The following SLC24A1 variants were observed in gnomAD, a reference collection of about 807,000 sequenced individuals.
The protein encoded by SLC24A1 is sodium/potassium/calcium exchanger 1.
Under a neutral mutation model 88.1 loss-of-function variants are expected in SLC24A1, and 52 were observed. That is an observed-to-expected ratio of 0.59 (90% CI 0.47 to 0.74). SLC24A1 has a LOEUF of 0.74. SLC24A1 is among the 30% of genes least tolerant of loss of function. The pLI is 0.00. For synonymous variants in SLC24A1, 455 were observed against 498.0 expected (o/e 0.91, Z 1.15); for missense variants, 1,173 against 1,363.3 (o/e 0.86, Z 2.20).
At chr15:65,636,005 G>T (rs1019540478) in intron 2 of SLC24A1, among the ~76,000 whole-genome samples, 1 of 152,214 alleles carries the variant, frequency 6.6e-6, no homozygotes, top group African/African-American at 2.4e-5. Flanking sequence ...AGTGGCCCTA[G>T]ATCAAGCACT....
At position 65,625,021 on chromosome 15, in the gene SLC24A1, A is replaced by G. The variant is rs373709597; in HGVS notation, c.941A>G (p.His314Arg). Residue 314 changes from histidine (H) to arginine (R), a missense_variant, in exon 2 of 10, where the codon CAT becomes CGT. His to Arg is a conservative substitution (Grantham distance 29, BLOSUM62 0). Coordinates refer to ENST00000261892, the MANE Select transcript of SLC24A1 (RefSeq NM_004727.3). ...PKTPQGTVLL[H>R]TPATSEGQVT... ...ACTCCCCAGGGAACAGTCCTGTTGC[A>G]TACCCCAGCCACCTCTGAGGGGCAG... 7.4e-6 allele frequency: 12 copies of G among 1,613,158 alleles called. No homozygotes were observed. Among genetic ancestry groups the G allele is most frequent in the East Asian group, 2.2e-5 (1 of 44,892 alleles).
In SLC24A1 at chr15:65,624,424, C is replaced by T; in HGVS notation, c.344C>T (p.Pro115Leu). 4 of 1,612,956 alleles carry T rather than the reference C, an allele frequency of 2.5e-6. No individual in the cohort carries two copies. The South Asian group carries it at 4.4e-5, about 18-fold the overall frequency. The stretch of plus-strand genomic sequence containing the variant: ...ACAGTGGAGAATATCCCCAGTATGC[C>T]TAAAAGAACAGCCAAGATGATCCCA... ...SMTVENIPSMPKRTAKMIPTT... is the reference protein window; with the variant it reads ...SMTVENIPSMLKRTAKMIPTT... Residue 115 changes from proline to leucine, a missense_variant, in exon 2 of 10, where the codon CCT (proline) becomes CTT (leucine). Pro to Leu is a moderately conservative substitution (Grantham distance 98). Transcript: ENST00000261892.
intron 4 of SLC24A1, 43 bp from the exon 5 acceptor site, chr15:65,644,384 T>G (rs2075233612): frequency 1.5e-6 from 2 of 1,350,984 alleles, no homozygotes; most frequent in Non-Finnish European, 2.1e-6. Flanking sequence ...GCAGGGATGA[T>G]CCTACAATTC....
Position 65,655,649 on chromosome 15 carries a change from A to T in SLC24A1, c.*1570A>T, listed in dbSNP as rs1234311118. The stretch of plus-strand genomic sequence containing the variant: ...GATGGTAAATATGGCTTTAATTACA[A>T]ACATGAGGAATGATTCACTGAAGAT... On this transcript the variant is annotated 3_prime_UTR_variant, in exon 10 of 10. Transcript: ENST00000261892. 3 of 985,328 alleles carry T rather than the reference A, an allele frequency of 3.0e-6. No homozygotes were observed. Among genetic ancestry groups the T allele is most frequent in the Non-Finnish European group, 2.4e-6 (2 of 829,936 alleles). 61.0% of individuals were successfully genotyped at this position (985,328 alleles called of 1,614,324 possible). A position where few individuals can be genotyped will look rare whatever the true frequency, so the allele number is the denominator to read the frequency against.
At chr15:65,620,443 T>C (rs2141422749), upstream of SLC24A1, among the ~76,000 whole-genome samples, 1 of 152,316 alleles carries the variant, frequency 6.6e-6, no homozygotes, top group East Asian at 1.9e-4. Context: ...GTAATGTCAT[T>C]ATCATCCTCA....
In SLC24A1 at chr15:65,655,992, A is replaced by C. The variant is rs1350964801; in HGVS notation, c.*1913A>C. On this transcript the variant is annotated 3_prime_UTR_variant, in exon 10 of 10. Transcript: ENST00000261892. The stretch of plus-strand genomic sequence containing the variant: ...CTTAATTATCCTTATTCCTGATGCT[A>C]CTGCATTGCTGGGTTTCCATAGCCA... 12 of 985,202 alleles carry C rather than the reference A, an allele frequency of 1.2e-5. No individual in the cohort carries two copies. Among genetic ancestry groups the C allele is most frequent in the Non-Finnish European group, 1.3e-5 (11 of 829,880 alleles). The allele number at this position is 985,202 out of a possible 1,614,324, so 61.0% of individuals were successfully genotyped here.
At position 65,655,061 on chromosome 15, in the gene SLC24A1, A is replaced by G. The variant is rs1002442540; in HGVS notation, c.*982A>G. 8 of 1,028,606 alleles carry G rather than the reference A, an allele frequency of 7.8e-6. No homozygotes were observed. The highest frequency in any genetic ancestry group is 9.3e-6 in the Non-Finnish European group (8 of 855,638). The allele number at this position is 1,028,606 out of a possible 1,614,324, so 63.7% of individuals were successfully genotyped here. A position where few individuals can be genotyped will look rare whatever the true frequency, so the allele number is the denominator to read the frequency against. ...AGGAAAACTACTCTAGAGGCCATTT[A>G]AAAGTATGTATTTATTAGAACATGC... On this transcript the variant is annotated 3_prime_UTR_variant, in exon 10 of 10. Coordinates refer to ENST00000261892, the MANE Select transcript of SLC24A1 (RefSeq NM_004727.3).
chr15:65,651,484 A>T (rs1000438443), intron 7 of SLC24A1, among the ~76,000 whole-genome samples, 186 bp from the exon 8 acceptor site: 6 of 151,950 alleles, frequency 3.9e-5, no homozygotes, highest in African/African-American at 1.2e-4. Context: ...TGTACCCCCA[A>T]CCTCCATCCT....
chr15:65,626,017 G>T (rs764158828), intron 2 of SLC24A1, 47 bp downstream of exon 2: 1 of 1,421,462 alleles, frequency 7.0e-7, no homozygotes, highest in Non-Finnish European at 9.9e-7. Flanking sequence ...TGAGATGAAA[G>T]GATGTGGCGA....
chr15:65,655,850 C>A lies in SLC24A1; in HGVS notation c.*1771C>A, dbSNP rs2075665465. ...TATTAAATTTCAATAAACTGTGAAT[C>A]CCAATGGTATTTTACTTTACAACAT... On this transcript the variant is annotated 3_prime_UTR_variant, in exon 10 of 10. Coordinates refer to ENST00000261892, the MANE Select transcript of SLC24A1 (RefSeq NM_004727.3). The A allele has an allele frequency of 1.0e-6, 1 of 984,688 alleles. No individual in the cohort carries two copies. Among genetic ancestry groups the A allele is most frequent in the African/African-American group, 1.7e-5 (1 of 57,166 alleles). The allele number at this position is 984,688 out of a possible 1,614,324, so 61.0% of individuals were successfully genotyped here.
At position 65,625,647 on chromosome 15, in the gene SLC24A1, G is replaced by T; in HGVS notation, c.1567G>T (p.Val523Leu). The change falls in exon 2 of 10, where the codon GTG (valine) becomes TTG (leucine). Residue 523 changes from valine to leucine, a missense_variant. Val to Leu is a conservative substitution (Grantham distance 32, BLOSUM62 1). Coordinates refer to ENST00000261892, the MANE Select transcript of SLC24A1 (RefSeq NM_004727.3). ...LIGVFISHSNVGIGTIVGSAV... is the reference protein window; with the variant it reads ...LIGVFISHSNLGIGTIVGSAV... The stretch of plus-strand genomic sequence containing the variant: ...CGGTGTCTTCATTTCCCACAGCAAC[G>T]TGGGCATTGGTACCATTGTGGGCTC... 6.2e-7 allele frequency: 1 copy of T among 1,614,012 alleles called. No homozygotes were observed. Among genetic ancestry groups the T allele is most frequent in the Admixed American group, 1.7e-5 (1 of 60,036 alleles).
In SLC24A1 at chr15:65,650,781, CAGGAGGAAG is replaced by C. The variant is rs776932040; in HGVS notation, c.2640_2648del (p.Glu888_Glu890del). On this transcript the variant is annotated inframe_deletion, in exon 7 of 10. Transcript: ENST00000261892. The surrounding 1 kb of genome is among the most constrained non-coding windows in gnomAD (Gnocchi z 4.1). ...GGAGGAAGAGGAGGAGGAGGAAGAG[CAGGAGGAAG>C]AGGAGGAGGAGGAGGAGGAAGAGGA... The C allele has an allele frequency of 1.9e-6, 3 of 1,608,322 alleles. No homozygotes were observed. Among genetic ancestry groups the C allele is most frequent in the Admixed American group, 1.7e-5 (1 of 59,440 alleles).
In SLC24A1 at chr15:65,655,406, T is replaced by C. The variant is rs2075647044; in HGVS notation, c.*1327T>C. 1.0e-6 allele frequency: 1 copy of C among 985,260 alleles called. No homozygotes were observed. The highest frequency in any genetic ancestry group is 1.7e-5 in the African/African-American group (1 of 57,204). 61.0% of individuals were successfully genotyped at this position (985,260 alleles called of 1,614,324 possible). On this transcript the variant is annotated 3_prime_UTR_variant, in exon 10 of 10. Transcript: ENST00000261892. ...AATGCATAACACAATGACAACATGG[T>C]GAGAAAAGTGCAGTACTACTTCCAA...
At chr15:65,633,311 T>C (rs756708647) in intron 2 of SLC24A1, among the ~76,000 whole-genome samples, 3 of 152,234 alleles carry the variant, frequency 2.0e-5, no homozygotes, top group Non-Finnish European at 4.4e-5. Context: ...ATTTGTAATA[T>C]TAATTACATG....
chr15:65,660,022 G>A (rs2075806085), downstream of SLC24A1: 1 of 383,040 alleles, frequency 2.6e-6, no homozygotes, highest in Non-Finnish European at 4.7e-6. Flanking sequence ...TTCTCTTGGA[G>A]GGATGTTTAT....
In SLC24A1 at chr15:65,625,215, A is replaced by G. The variant is rs374623693; in HGVS notation, c.1135A>G (p.Thr379Ala). 4 of 1,613,896 alleles carry G rather than the reference A, an allele frequency of 2.5e-6. No individual in the cohort carries two copies. The South Asian group carries it at 3.3e-5, about 13-fold the overall frequency. ...ACCTTCCACAGCACCCAGCACCTCA[A>G]CAACCCCTACGGTCAGGGCAAAGCT... ...KKPSTAPSTS[T>A]TPTVRAKLTM... The change falls in exon 2 of 10, where the codon ACA becomes GCA. Residue 379 changes from threonine (T) to alanine (A), a missense_variant. Physicochemically the swap from Thr to Ala is moderately conservative, Grantham distance 58 (BLOSUM62 0). Transcript: ENST00000261892.
At chr15:65,637,083 C>A (rs905218820) in intron 2 of SLC24A1, among the ~76,000 whole-genome samples, 1 of 151,764 alleles carries the variant, frequency 6.6e-6, no homozygotes, top group South Asian at 2.1e-4. Context: ...ACAATTCATG[C>A]AGTGAAAAGT....
At chr15:65,652,418 AAAG>A in intron 8 of SLC24A1, 2 of 476,990 alleles carry the variant, frequency 4.2e-6, no homozygotes, top group Middle Eastern at 5.5e-4. Context: ...CCAATTGTGA[AAAG>A]AAGAGCAACA....
At chr15:65,659,846 C>T (rs1316024958), downstream of SLC24A1, 1 of 154,184 alleles carries the variant, frequency 6.5e-6, no homozygotes, top group Admixed American at 6.4e-5. Flanking sequence ...GAGTCTGAAT[C>T]GTAAAACCAT....
Sources: gnomAD v4.1 joint callset for allele counts (sites outside exome capture counted in the v4.1 genomes callset) on GRCh38, gnomAD v4.1.1 for gene constraint, Gnocchi (gnomAD v3.1) non-coding constraint, MANE v1.5 for transcripts, NCBI Gene and HGNC (gene_info 2026-07-23, HGNC 2026-07-21) for gene names.